Variants in LRP1B observed in about 807,000 individuals in gnomAD.
LRP1B encodes the protein LDL receptor related protein 1B, also known as low-density lipoprotein receptor-related protein 1B.
A neutral mutation model predicts 556.6 loss-of-function variants in LRP1B; 217 were observed. The observed-to-expected ratio is 0.39, with a 90% CI of 0.35 to 0.44. The LOEUF is 0.44. Ranked by LOEUF, LRP1B falls within the 20% of genes least tolerant of loss-of-function variation. The pLI, the probability that LRP1B is intolerant of heterozygous loss-of-function variation, is 1.00. For synonymous variants in LRP1B, 2,047 were observed against 1,865.8 expected (o/e 1.10, Z -2.50); for missense variants, 5,053 against 5,620.8 (o/e 0.90, Z 3.23).
intron 8 of LRP1B, among the ~76,000 whole-genome samples, chr2:141,059,365 A>G (rs1333726223): frequency 1.3e-5 from 2 of 151,786 alleles, no homozygotes; most frequent in African/African-American, 4.8e-5. Flanking sequence ...AAGCATATTC[A>G]ATAATATGCC....
intron 2 of LRP1B, among the ~76,000 whole-genome samples, chr2:141,674,360 T>G (rs1461228818): frequency 6.6e-6 from 1 of 152,084 alleles, no homozygotes; most frequent in African/African-American, 2.4e-5. Context: ...CTTCACCCAT[T>G]GCATATGTGA....
chr2:141,875,126 C>T (rs1468083872), intron 1 of LRP1B, among the ~76,000 whole-genome samples: 2 of 151,272 alleles, frequency 1.3e-5, no homozygotes, highest in Non-Finnish European at 2.9e-5. Flanking sequence ...GTAATGTATA[C>T]ATCACATTAT....
intron 66 of LRP1B, among the ~76,000 whole-genome samples, chr2:140,409,271 A>C (rs2105243684): frequency 6.6e-6 from 1 of 152,034 alleles, no homozygotes; most frequent in East Asian, 1.9e-4. Context: ...TAAACCTATA[A>C]AGTCGGTGAT....
intron 9 of LRP1B, 119 bp downstream of exon 9, chr2:141,058,764 T>C (rs1699255281): frequency 2.8e-6 from 2 of 708,706 alleles, no homozygotes; most frequent in Non-Finnish European, 4.1e-6. Flanking sequence ...ACATGCCTAC[T>C]TTTGCTGTCA....
chr2:142,029,250 G>T (rs1386584967), intron 1 of LRP1B, among the ~76,000 whole-genome samples: 1 of 151,824 alleles, frequency 6.6e-6, no homozygotes, highest in Non-Finnish European at 1.5e-5. Context: ...TACAAATTAA[G>T]ACCACAATGA....
At chr2:141,071,404 G>C (rs938175716) in intron 7 of LRP1B, among the ~76,000 whole-genome samples, 1 of 151,906 alleles carries the variant, frequency 6.6e-6, no homozygotes, top group African/African-American at 2.4e-5. Flanking sequence ...ATATCATACT[G>C]AATGGGCAAA....
chr2:140,866,748 G>C (rs1489508118), intron 27 of LRP1B, among the ~76,000 whole-genome samples: 1 of 152,084 alleles, frequency 6.6e-6, no homozygotes, highest in Non-Finnish European at 1.5e-5. Context: ...ATGTGATATT[G>C]TCAACCAGAG....
intron 3 of LRP1B, among the ~76,000 whole-genome samples, chr2:141,294,427 T>C (rs781102875): frequency 2.3e-4 from 35 of 152,214 alleles, no homozygotes; most frequent in Middle Eastern, 3.4e-3. Context: ...TAAACTATTA[T>C]GAAACCTAAA....
At chr2:141,171,420 T>C (rs1426427871) in intron 7 of LRP1B, among the ~76,000 whole-genome samples, 1 of 152,124 alleles carries the variant, frequency 6.6e-6, no homozygotes, top group Non-Finnish European at 1.5e-5. Context: ...CAAAATGTCA[T>C]ATATTTAGTT....
chr2:141,743,195 A>C (rs1394249257), intron 2 of LRP1B, among the ~76,000 whole-genome samples: 1 of 152,160 alleles, frequency 6.6e-6, no homozygotes, highest in Non-Finnish European at 1.5e-5. Context: ...AAATAATCAT[A>C]TGGTGTTTGT....
At chr2:140,860,215 C>A (rs1692748278) in intron 27 of LRP1B, among the ~76,000 whole-genome samples, 1 of 151,964 alleles carries the variant, frequency 6.6e-6, no homozygotes, top group South Asian at 2.1e-4. Flanking sequence ...CATTCATGGG[C>A]CAATTGATGG....
At chr2:141,697,228 A>T (rs1357817389) in intron 2 of LRP1B, among the ~76,000 whole-genome samples, 1 of 151,968 alleles carries the variant, frequency 6.6e-6, no homozygotes, top group East Asian at 1.9e-4. Context: ...AATAAACAGT[A>T]ATCAGCATAA....
chr2:141,613,464 T>C (rs1214194091), intron 2 of LRP1B, among the ~76,000 whole-genome samples: 1 of 152,184 alleles, frequency 6.6e-6, no homozygotes, highest in Non-Finnish European at 1.5e-5. Context: ...GTTTATTAAA[T>C]TTTAATAATT....
At chr2:141,900,078 A>AT (rs1699572149) in intron 1 of LRP1B, among the ~76,000 whole-genome samples, 1 of 152,058 alleles carries the variant, frequency 6.6e-6, no homozygotes, top group African/African-American at 2.4e-5. Context: ...GTGCCAGATT[A>AT]TTTTTTGTGA....
intron 3 of LRP1B, among the ~76,000 whole-genome samples, chr2:141,438,724 T>A (rs1042551866): frequency 2.6e-5 from 4 of 151,982 alleles, no homozygotes; most frequent in Non-Finnish European, 5.9e-5. Flanking sequence ...CCATGATGAA[T>A]CAGTAGTGCC....
At chr2:140,732,234 C>T (rs1687803983) in intron 35 of LRP1B, among the ~76,000 whole-genome samples, 1 of 151,734 alleles carries the variant, frequency 6.6e-6, no homozygotes, top group South Asian at 2.1e-4. Flanking sequence ...AAGTACTCCA[C>T]CAGATTGAAA....
chr2:140,753,101 C>T (rs1232175497), intron 35 of LRP1B, among the ~76,000 whole-genome samples: 1 of 152,018 alleles, frequency 6.6e-6, no homozygotes, highest in African/African-American at 2.4e-5. Context: ...TTTACATTTT[C>T]AAAAAAGTAA....
intron 17 of LRP1B, among the ~76,000 whole-genome samples, chr2:140,988,747 G>A (rs1697002917): frequency 6.6e-6 from 1 of 152,134 alleles, no homozygotes; most frequent in Non-Finnish European, 1.5e-5. Context: ...AAGACAGAAA[G>A]AGTTGATGGG....
chr2:140,441,007 T>C (rs956744066), intron 66 of LRP1B, among the ~76,000 whole-genome samples: 9 of 152,116 alleles, frequency 5.9e-5, no homozygotes, highest in African/African-American at 2.2e-4. Context: ...TTGTGCCCAC[T>C]TTCCTTATCA....
Sources: allele counts gnomAD v4.1 joint callset (sites outside exome capture counted in the v4.1 genomes callset), GRCh38; gene constraint gnomAD v4.1.1; transcripts MANE v1.5; gene names NCBI Gene and HGNC (gene_info 2026-07-23, HGNC 2026-07-21).